The following MCEE variants were observed in gnomAD, a reference collection of about 807,000 sequenced individuals.
The protein encoded by MCEE is methylmalonyl-CoA epimerase, mitochondrial.
MCEE carries 6 observed loss-of-function variants against 12.9 expected under a neutral mutation model. The ratio of observed to expected loss-of-function variants is 0.47; its 90% CI spans 0.26 to 0.92. The LOEUF (loss-of-function observed/expected upper bound fraction) is 0.92, where lower values mean the gene tolerates loss of function less well. MCEE is among the 40% of genes least tolerant of loss of function. MCEE has a pLI of 0.16. For missense variants in MCEE, 214 were observed against 212.1 expected (o/e 1.01, Z -0.05); for synonymous variants, 78 against 77.9 (o/e 1.00, Z -0.01).
Position 71,124,211 on chromosome 2 carries a change from T to A in MCEE, c.373A>T (p.Ile125Phe), listed in dbSNP as rs1315803543. The change falls in exon 2 of 3, where the codon ATC becomes TTC. Residue 125 changes from isoleucine (I) to phenylalanine (F), a missense_variant. Coordinates refer to ENST00000244217, the MANE Select transcript of MCEE (RefSeq NM_032601.4). ...CATTAAAATAATTAAAATACCTCGA[T>A]GCAGATGTGATGCATTCCTCCAGCC... The part of the protein sequence containing the change: ...NKAGGMHHIC[I>F]EVDNINAAVM... The A allele has an allele frequency of 6.2e-7, 1 of 1,610,222 alleles. No individual in the cohort carries two copies. The highest frequency in any genetic ancestry group is 8.5e-7 in the Non-Finnish European group (1 of 1,176,522).
intron 1 of MCEE, among the ~76,000 whole-genome samples, chr2:71,128,100 T>G (rs1345340684): frequency 6.6e-6 from 1 of 152,014 alleles, no homozygotes; most frequent in Non-Finnish European, 1.5e-5. Flanking sequence ...TATGATCAAT[T>G]TTTTTTATTC....
At chr2:71,123,662 C>T (rs991803100) in intron 2 of MCEE, among the ~76,000 whole-genome samples, 6 of 152,138 alleles carry the variant, frequency 3.9e-5, no homozygotes, top group African/African-American at 1.4e-4. Context: ...CTCTAATGGA[C>T]TTTTCTTGTC....
At chr2:71,130,147 C>T in intron 1 of MCEE, 33 bp downstream of exon 1, 1 of 1,603,010 alleles carries the variant, frequency 6.2e-7, no homozygotes, top group Non-Finnish European at 8.5e-7. Context: ...GCTCCCTGTC[C>T]CATGGCGAAG....
Position 71,124,306 on chromosome 2 carries a change from T to G in MCEE, c.278A>C (p.Asn93Thr), listed in dbSNP as rs1273487344. ...TGGATGAAGCAGTTCCATCTTGGTATTTCCCAGGTTGACAAAAACAACAGA... is the reference window on the plus strand; with the variant it reads ...TGGATGAAGCAGTTCCATCTTGGTAGTTCCCAGGTTGACAAAAACAACAGA... ...GVSVVFVNLG[N>T]TKMELLHPLG... Residue 93 changes from asparagine to threonine, a missense_variant, in exon 2 of 3, where the codon AAT (asparagine) becomes ACT (threonine). Transcript: ENST00000244217. 1.9e-6 allele frequency: 3 copies of G among 1,614,110 alleles called. No homozygotes were observed. The highest frequency in any genetic ancestry group is 3.3e-5 in the Admixed American group (2 of 60,012).
At chr2:71,125,211 A>ATATATATATTTTTTT in intron 1 of MCEE, among the ~76,000 whole-genome samples, 14 of 48,608 alleles carry the variant, frequency 2.9e-4, no homozygotes, top group Admixed American at 6.6e-4. Flanking sequence ...ATATATATAT[A>ATATATATATTTTTTT]TTTTTTTTTT....
intron 1 of MCEE, among the ~76,000 whole-genome samples, chr2:71,125,926 A>G (rs1673222413): frequency 6.6e-6 from 1 of 152,184 alleles, no homozygotes; most frequent in African/African-American, 2.4e-5. Flanking sequence ...ATAAATGTAC[A>G]ATTGAAACTA....
intron 1 of MCEE, 126 bp downstream of exon 1, chr2:71,130,054 G>A (rs1673335596): frequency 3.1e-6 from 3 of 963,668 alleles, no homozygotes; most frequent in African/African-American, 1.6e-5. Context: ...CAGCTGCTGT[G>A]GAACGCGCCC....
intron 2 of MCEE, among the ~76,000 whole-genome samples, chr2:71,122,595 T>C (rs905091449): frequency 1.3e-5 from 2 of 152,204 alleles, no homozygotes; most frequent in Admixed American, 6.5e-5. Context: ...AGAGACAGAT[T>C]GGGCAGGGAA....
At chr2:71,123,006 T>C (rs1422456765) in intron 2 of MCEE, among the ~76,000 whole-genome samples, 2 of 152,218 alleles carry the variant, frequency 1.3e-5, no homozygotes, top group Non-Finnish European at 1.5e-5. Context: ...CTACTTATCA[T>C]AGTATATTGC....
Position 71,128,484 on chromosome 2 carries a change from A to G in MCEE, c.40+1696T>C, listed in dbSNP as rs182628715. Among the ~76,000 whole-genome samples the G allele has an allele frequency of 9.8e-3, 1,495 of 152,254 alleles. 21 individuals are homozygous for G. The highest frequency in any genetic ancestry group is 0.014 in the Non-Finnish European group (935 of 68,002). On this transcript the variant is annotated intron_variant, in intron 1 of 2. Coordinates refer to ENST00000244217, the MANE Select transcript of MCEE (RefSeq NM_032601.4). ...ATCAAGAGACGAATGGATAAACAAAATGTGGTATACACACACAATGGAATA... is the reference window on the plus strand; with the variant it reads ...ATCAAGAGACGAATGGATAAACAAAGTGTGGTATACACACACAATGGAATA...
intron 2 of MCEE, chr2:71,116,855 A>C (rs1377927552): frequency 6.6e-6 from 1 of 150,596 alleles, no homozygotes; most frequent in Non-Finnish European, 1.5e-5. Context: ...CACAATCTTC[A>C]GGTACATCTC....
At chr2:71,123,888 A>T (rs1274709425) in intron 2 of MCEE, among the ~76,000 whole-genome samples, 1 of 152,244 alleles carries the variant, frequency 6.6e-6, no homozygotes, top group African/African-American at 2.4e-5. Context: ...CAGTGAAAAC[A>T]GCTGTATTCC....
Position 71,126,612 on chromosome 2 carries a change from A to G in MCEE, c.41-2069T>C, listed in dbSNP as rs565963434. Among the ~76,000 whole-genome samples the G allele has an allele frequency of 8.6e-4, 130 of 151,360 alleles. 1 individual carries two copies. The highest frequency in any genetic ancestry group is 1.7e-3 in the Non-Finnish European group (112 of 67,878). On this transcript the variant is annotated intron_variant, in intron 1 of 2. Coordinates refer to ENST00000244217, the MANE Select transcript of MCEE (RefSeq NM_032601.4). ...AAAAAAGATCCAACAATAAAAATCC[A>G]AAGGTGAAATTGTGTAGACCAAGCA...
intron 1 of MCEE, 112 bp downstream of exon 1, chr2:71,130,068 G>T: frequency 9.0e-7 from 1 of 1,106,528 alleles, no homozygotes; most frequent in Non-Finnish European, 1.3e-6. Flanking sequence ...CGCGCCCCCG[G>T]GGGAGGACAT....
chr2:71,126,232 T>C (rs1261928799), intron 1 of MCEE, among the ~76,000 whole-genome samples: 1 of 150,662 alleles, frequency 6.6e-6, no homozygotes, highest in Non-Finnish European at 1.5e-5. Flanking sequence ...TGTACTTTAT[T>C]ATTTATTTAT....
At position 71,124,412 on chromosome 2, in the gene MCEE, A is replaced by C; in HGVS notation, c.172T>G (p.Leu58Val). ...TTATAAAATGCTGCAGCCTTTTCCA[A>C]ATCTGGCACTGCTATGGCTACATGG... ...LNHVAIAVPD[L>V]EKAAAFYKNI... The change falls in exon 2 of 3, where the codon TTG becomes GTG. Residue 58 changes from leucine to valine, a missense_variant. Physicochemically the swap from Leu to Val is conservative, Grantham distance 32. Coordinates refer to ENST00000244217, the MANE Select transcript of MCEE (RefSeq NM_032601.4). The C allele has an allele frequency of 6.2e-7, 1 of 1,614,138 alleles. No homozygotes were observed. The highest frequency in any genetic ancestry group is 8.5e-7 in the Non-Finnish European group (1 of 1,180,032).
intron 1 of MCEE, among the ~76,000 whole-genome samples, chr2:71,125,870 T>C (rs935519638): frequency 6.6e-6 from 1 of 152,238 alleles, no homozygotes; most frequent in African/African-American, 2.4e-5. Flanking sequence ...GTAAGTTTCA[T>C]TGTTATCATG....
At chr2:71,128,448 C>T (rs1230935593) in intron 1 of MCEE, among the ~76,000 whole-genome samples, 9 of 152,126 alleles carry the variant, frequency 5.9e-5, no homozygotes, top group Admixed American at 5.9e-4. Context: ...GTGGGGATAA[C>T]CCAAATGTCT....
At chr2:71,126,577 A>G (rs1673237960) in intron 1 of MCEE, among the ~76,000 whole-genome samples, 1 of 151,248 alleles carries the variant, frequency 6.6e-6, no homozygotes. Flanking sequence ...CCAAAAAAAA[A>G]AAAAAAAAAA....
Sources: gnomAD v4.1 joint callset for allele counts (sites outside exome capture counted in the v4.1 genomes callset) on GRCh38, gnomAD v4.1.1 for gene constraint, MANE v1.5 for transcripts, NCBI Gene and HGNC (gene_info 2026-07-23, HGNC 2026-07-21) for gene names.